Variants in LHFPL3 observed in about 807,000 individuals in gnomAD.
LHFPL3 encodes LHFPL tetraspan subfamily member 3 protein.
LHFPL3 carries 5 observed loss-of-function variants against 19.3 expected under a neutral mutation model. That is an observed-to-expected ratio of 0.26 (90% CI 0.14 to 0.54). LHFPL3 has a LOEUF of 0.54. LHFPL3 is among the 20% of genes least tolerant of loss of function. LHFPL3 has a pLI of 0.94. For synonymous variants in LHFPL3, 133 were observed against 126.2 expected (o/e 1.05, Z -0.36); for missense variants, 249 against 307.4 (o/e 0.81, Z 1.42).
intron 1 of LHFPL3, among the ~76,000 whole-genome samples, chr7:104,371,910 A>C (rs1172353794): frequency 6.6e-6 from 1 of 152,238 alleles, no homozygotes; most frequent in Admixed American, 6.5e-5. Context: ...ATTCACACCA[A>C]AGTCTGGAGC....
intron 2 of LHFPL3, among the ~76,000 whole-genome samples, chr7:104,811,058 A>C (rs1790455433): frequency 6.6e-6 from 1 of 152,232 alleles, no homozygotes; most frequent in South Asian, 2.1e-4. Context: ...TTTAGGTTAG[A>C]GTCAGAATAA....
At chr7:104,614,645 T>TCTATC (rs1791282207) in intron 1 of LHFPL3, among the ~76,000 whole-genome samples, 2 of 129,654 alleles carry the variant, frequency 1.5e-5, no homozygotes, top group Non-Finnish European at 3.3e-5. Context: ...TCTCTTCTCT[T>TCTATC]CTCTTCTCTC....
intron 1 of LHFPL3, among the ~76,000 whole-genome samples, chr7:104,699,900 G>A (rs533281694): frequency 6.6e-6 from 1 of 152,240 alleles, no homozygotes; most frequent in Non-Finnish European, 1.5e-5. Flanking sequence ...CGTTCTGTCA[G>A]GGATTGCTCC....
At chr7:104,783,641 G>T (rs1789854873) in intron 2 of LHFPL3, among the ~76,000 whole-genome samples, 1 of 152,130 alleles carries the variant, frequency 6.6e-6, no homozygotes, top group Non-Finnish European at 1.5e-5. Context: ...GGAGGTACAG[G>T]ATACCTAACT....
chr7:104,476,728 G>A (rs1793026725), intron 1 of LHFPL3, among the ~76,000 whole-genome samples: 1 of 152,124 alleles, frequency 6.6e-6, no homozygotes, highest in Admixed American at 6.5e-5. Flanking sequence ...CCAGAGTGCT[G>A]GGATTACAGG....
rs115068499 is a variant in LHFPL3, at chr7:104,678,206, A to G, written c.446-58469A>G. Among the ~76,000 whole-genome samples the G allele has an allele frequency of 6.0e-3, 915 of 152,130 alleles. 9 individuals are homozygous for G. The highest frequency in any genetic ancestry group is 0.019 in the African/African-American group (799 of 41,506). ...TAGTGTAGGGTTTTTTTCTCAATTT[A>G]TATATTTGGTTGTTGTTATAAAGTG... is the stretch of plus-strand genomic sequence containing the variant. On this transcript the variant is annotated intron_variant, in intron 1 of 2. Coordinates refer to ENST00000424859, the MANE Select transcript of LHFPL3 (RefSeq NM_199000.3).
chr7:104,670,891 G>C (rs1792468081), intron 1 of LHFPL3, among the ~76,000 whole-genome samples: 1 of 148,760 alleles, frequency 6.7e-6, no homozygotes, highest in Non-Finnish European at 1.5e-5. Flanking sequence ...AGCTTCCCTT[G>C]AGAGAATAAA....
chr7:104,714,746 T>A (rs188528277), intron 1 of LHFPL3, among the ~76,000 whole-genome samples: 5 of 152,288 alleles, frequency 3.3e-5, no homozygotes, highest in Admixed American at 1.3e-4. Context: ...TTCAGTGCTT[T>A]GGTTAGATCA....
At chr7:104,759,812 C>G (rs188827768) in intron 2 of LHFPL3, 1 of 152,254 alleles carries the variant, frequency 6.6e-6, no homozygotes, top group Admixed American at 6.5e-5. Flanking sequence ...CTGACTTTCC[C>G]CACAACAGAC....
chr7:104,815,886 G>C (rs956241646), intron 2 of LHFPL3, among the ~76,000 whole-genome samples: 7 of 152,084 alleles, frequency 4.6e-5, no homozygotes, highest in Non-Finnish European at 2.9e-5. Context: ...GAATTCTCAA[G>C]GTCCCTCCCC....
intron 1 of LHFPL3, chr7:104,668,368 C>T (rs1396383676): frequency 2.5e-6 from 4 of 1,593,120 alleles, no homozygotes; most frequent in East Asian, 2.2e-5. Flanking sequence ...GCTACAGACA[C>T]CTTTGATGAC....
At chr7:104,659,766 A>G (rs1181729762) in intron 1 of LHFPL3, among the ~76,000 whole-genome samples, 2 of 152,208 alleles carry the variant, frequency 1.3e-5, no homozygotes, top group Non-Finnish European at 2.9e-5. Context: ...CAGTGAAATC[A>G]GGAAGCAAGC....
chr7:104,507,080 T>A (rs1173826601), intron 1 of LHFPL3, among the ~76,000 whole-genome samples: 1 of 152,160 alleles, frequency 6.6e-6, no homozygotes, highest in Non-Finnish European at 1.5e-5. Context: ...AGATATCAAA[T>A]TTTGTGTGAA....
At chr7:104,561,069 T>G (rs566180571) in intron 1 of LHFPL3, among the ~76,000 whole-genome samples, 1 of 152,294 alleles carries the variant, frequency 6.6e-6, no homozygotes, top group South Asian at 2.1e-4. Flanking sequence ...ATTTCTGTTC[T>G]TTTACATTTC....
At chr7:104,465,651 G>T (rs183138549) in intron 1 of LHFPL3, among the ~76,000 whole-genome samples, 106 of 152,258 alleles carry the variant, frequency 7.0e-4, no homozygotes, top group African/African-American at 2.5e-3. Context: ...AAAACCATCA[G>T]ATCTTGTGAG....
At chr7:104,563,445 C>T (rs1211800121) in intron 1 of LHFPL3, among the ~76,000 whole-genome samples, 1 of 152,312 alleles carries the variant, frequency 6.6e-6, no homozygotes, top group African/African-American at 2.4e-5. Flanking sequence ...ACCCGATTTT[C>T]CAGGTGCCAT....
chr7:104,604,500 C>G (rs895357631), intron 1 of LHFPL3, among the ~76,000 whole-genome samples: 3 of 152,248 alleles, frequency 2.0e-5, no homozygotes, highest in South Asian at 4.1e-4. Flanking sequence ...CGGATGGCCA[C>G]TTGGCCACAC....
chr7:104,586,472 T>TA (rs1342797061), intron 1 of LHFPL3, among the ~76,000 whole-genome samples: 5 of 152,114 alleles, frequency 3.3e-5, no homozygotes, highest in African/African-American at 1.2e-4. Context: ...TTTTCCTGTT[T>TA]AAAAAAATAA....
rs2116337959 is a variant in LHFPL3 at position 104,329,020 on chromosome 7, G to A, written c.241G>A (p.Gly81Ser). 1 of 1,614,038 alleles carries A rather than the reference G, an allele frequency of 6.2e-7. No homozygotes were observed. The highest frequency in any genetic ancestry group is 1.6e-4 in the Middle Eastern group (1 of 6,062). The change falls in exon 1 of 3, where the codon GGC becomes AGC. Residue 81 changes from glycine (G) to serine (S), a missense_variant. By Grantham distance (56) the Gly-to-Ser change is moderately conservative. Transcript: ENST00000424859. ...TTTCGGGCTCTTCCACTACTGCATC[G>A]GCAACGGCTTCTCCCGGGAGCTGAC... ...GYFGLFHYCI[G>S]NGFSRELTCR...
Sources: allele counts gnomAD v4.1 joint callset (sites outside exome capture counted in the v4.1 genomes callset), GRCh38; gene constraint gnomAD v4.1.1; transcripts MANE v1.5; gene names NCBI Gene and HGNC (gene_info 2026-07-23, HGNC 2026-07-21).